TYW1: variants seen among roughly 807,000 people sequenced by gnomAD.
TYW1 encodes the protein S-adenosyl-L-methionine-dependent tRNA 4-demethylwyosine synthase TYW1.
In TYW1, 46 loss-of-function variants were observed where a neutral mutation model predicts 96.2. The ratio of observed to expected loss-of-function variants is 0.48; its 90% CI spans 0.38 to 0.61. The LOEUF is 0.61. Ranked by LOEUF, TYW1 falls within the 20% of genes least tolerant of loss-of-function variation. The pLI, the probability that TYW1 is intolerant of heterozygous loss-of-function variation, is 0.00. For synonymous variants in TYW1, 274 were observed against 323.0 expected, an observed-to-expected ratio of 0.85 and a Z score of 1.63; for missense variants, 684 against 909.6, an observed-to-expected ratio of 0.75 and a Z score of 3.19.
chr7:67,075,475 A>G (rs955700448), intron 10 of TYW1, among the ~76,000 whole-genome samples: 8 of 152,234 alleles, frequency 5.3e-5, no homozygotes, highest in Non-Finnish European at 1.5e-5. Flanking sequence ...AAAAGTAGAT[A>G]TACTCTAGGT....
chr7:67,227,947 T>C (rs1801619678), intron 15 of TYW1, among the ~76,000 whole-genome samples: 1 of 152,236 alleles, frequency 6.6e-6, no homozygotes, highest in Non-Finnish European at 1.5e-5. Flanking sequence ...CAGAGAGTTC[T>C]GTGGGTCCTT....
Position 67,071,126 on chromosome 7 carries a change from G to A in TYW1, c.1274+3723G>A, listed in dbSNP as rs193111579. Among the ~76,000 whole-genome samples the A allele has an allele frequency of 2.2e-3, 308 of 138,042 alleles. 2 individuals are homozygous for A. The highest frequency in any genetic ancestry group is 3.5e-3 in the Admixed American group (49 of 14,006). 90.6% of individuals were successfully genotyped at this position (138,042 alleles called of 152,430 possible). ...AGCCTGGGCAACAGAGCAAGACTCCGTCTCAAAAAAAAAAAGGAAACTGCA... is the reference window on the plus strand; with the variant it reads ...AGCCTGGGCAACAGAGCAAGACTCCATCTCAAAAAAAAAAAGGAAACTGCA... On this transcript the variant is annotated intron_variant, in intron 10 of 15. Transcript: ENST00000359626.
At chr7:67,139,728 GGTGTGTGTGTGTGT>G (rs55993805) in intron 13 of TYW1, among the ~76,000 whole-genome samples, 20 of 138,522 alleles carry the variant, frequency 1.4e-4, no homozygotes, top group South Asian at 4.9e-4. Context: ...TGTGTATACA[GGTGTGTGTGTGTGT>G]GTGTGTGTGT....
At chr7:67,008,860 C>A (rs887270553) in intron 3 of TYW1, among the ~76,000 whole-genome samples, 1 of 151,944 alleles carries the variant, frequency 6.6e-6, no homozygotes, top group African/African-American at 2.4e-5. Flanking sequence ...CGGGGTTTTA[C>A]CATGTTGGTC....
chr7:67,163,130 A>G (rs936978419), intron 13 of TYW1, among the ~76,000 whole-genome samples: 1 of 152,160 alleles, frequency 6.6e-6, no homozygotes, highest in African/African-American at 2.4e-5. Context: ...CAGGGCACAT[A>G]TCATTTTCAT....
chr7:67,133,348 T>C (rs923790356), intron 13 of TYW1, among the ~76,000 whole-genome samples: 16 of 152,026 alleles, frequency 1.1e-4, no homozygotes, highest in Non-Finnish European at 1.8e-4. Flanking sequence ...CTCACTATGT[T>C]GCCCAGCTTG....
chr7:67,044,006 TTAA>T (rs1795106917), intron 7 of TYW1, among the ~76,000 whole-genome samples: 1 of 152,128 alleles, frequency 6.6e-6, no homozygotes, highest in African/African-American at 2.4e-5. Flanking sequence ...TTATTAAATA[TTAA>T]TAATTTAATT....
intron 10 of TYW1, among the ~76,000 whole-genome samples, chr7:67,073,440 C>T (rs1180537201): frequency 6.6e-6 from 1 of 152,128 alleles, no homozygotes; most frequent in East Asian, 1.9e-4. Context: ...GTTACTATTT[C>T]AGTGAAGGGT....
At chr7:67,178,380 G>C (rs571333765) in intron 13 of TYW1, among the ~76,000 whole-genome samples, 62 of 152,326 alleles carry the variant, frequency 4.1e-4, no homozygotes, top group African/African-American at 1.5e-3. Context: ...TCAACAGCAT[G>C]AATGAATCTT....
At chr7:67,101,506 A>T (rs1797087744) in intron 12 of TYW1, among the ~76,000 whole-genome samples, 1 of 152,166 alleles carries the variant, frequency 6.6e-6, no homozygotes, top group African/African-American at 2.4e-5. Flanking sequence ...ACACGCAGTC[A>T]GCTTGAAATA....
At chr7:67,012,088 G>A (rs1420482173) in intron 4 of TYW1, among the ~76,000 whole-genome samples, 8 of 152,118 alleles carry the variant, frequency 5.3e-5, no homozygotes, top group Admixed American at 3.3e-4. Flanking sequence ...GGTGGCTCTC[G>A]CCTGTATAAT....
intron 13 of TYW1, among the ~76,000 whole-genome samples, chr7:67,137,690 A>G (rs879322387): frequency 1.3e-5 from 2 of 152,012 alleles, no homozygotes; most frequent in Non-Finnish European, 2.9e-5. Context: ...CATCTTCTCT[A>G]TGTGGAAAGA....
chr7:67,100,126 C>G (rs1198128593), intron 12 of TYW1, among the ~76,000 whole-genome samples: 2 of 151,994 alleles, frequency 1.3e-5, no homozygotes, highest in East Asian at 1.9e-4. Flanking sequence ...ATGTTGATTG[C>G]TAGGATTATG....
chr7:67,171,634 A>G (rs1799516867), intron 13 of TYW1, among the ~76,000 whole-genome samples: 1 of 152,118 alleles, frequency 6.6e-6, no homozygotes, highest in Non-Finnish European at 1.5e-5. Flanking sequence ...GTCAATTGTT[A>G]CTTCATATTG....
In TYW1 at chr7:67,195,326, G is replaced by A; in HGVS notation, c.1966G>A (p.Ala656Thr). ...CGAACACTCTAATTGCCTCCTGATA[G>A]CACACAGAAAGGTAAGAATAACTCA... is the stretch of plus-strand genomic sequence containing the variant. ...EHEHSNCLLI[A>T]HRKFKIGGEW... Residue 656 changes from alanine (A) to threonine (T), a missense_variant, in exon 15 of 16, where the codon GCA (alanine) becomes ACA (threonine). Transcript: ENST00000359626. The A allele has an allele frequency of 6.2e-7, 1 of 1,613,414 alleles. No homozygotes were observed. The highest frequency in any genetic ancestry group is 1.1e-5 in the South Asian group (1 of 91,002).
At chr7:67,082,417 G>A (rs999786275) in intron 10 of TYW1, among the ~76,000 whole-genome samples, 8 of 152,334 alleles carry the variant, frequency 5.3e-5, no homozygotes, top group African/African-American at 1.9e-4. Flanking sequence ...TGGTTCCTAT[G>A]AGTGCCTCAC....
chr7:67,070,046 A>C (rs1795985052), intron 10 of TYW1, among the ~76,000 whole-genome samples: 1 of 152,230 alleles, frequency 6.6e-6, no homozygotes, highest in South Asian at 2.1e-4. Context: ...CATTTTAAAT[A>C]TGCTCTCCCA....
At chr7:67,103,098 C>T (rs13240177) in intron 12 of TYW1, among the ~76,000 whole-genome samples, 15 of 151,640 alleles carry the variant, frequency 9.9e-5, no homozygotes, top group East Asian at 5.8e-4. Flanking sequence ...ATTCTAGATT[C>T]AGATCTCAAA....
intron 7 of TYW1, among the ~76,000 whole-genome samples, chr7:67,044,095 T>C (rs1287644711): frequency 2.0e-5 from 3 of 150,910 alleles, no homozygotes; most frequent in Non-Finnish European, 4.4e-5. Context: ...TCATGTATAA[T>C]TAAGCATGAA....
Sources: gnomAD v4.1 joint callset for allele counts (sites outside exome capture counted in the v4.1 genomes callset) on GRCh38, gnomAD v4.1.1 for gene constraint, MANE v1.5 for transcripts, NCBI Gene and HGNC (gene_info 2026-07-23, HGNC 2026-07-21) for gene names.